The following LTBP1 variants were observed in gnomAD, a reference collection of about 807,000 sequenced individuals.
The protein encoded by LTBP1 is latent-transforming growth factor beta-binding protein 1.
In LTBP1, 129 loss-of-function variants were observed where a neutral mutation model predicts 207.6. The ratio of observed to expected loss-of-function variants is 0.62; its 90% confidence interval spans 0.54 to 0.72. The LOEUF (loss-of-function observed/expected upper bound fraction) is 0.72. Ranked by LOEUF, LTBP1 falls within the 30% of genes least tolerant of loss-of-function variation. LTBP1 has a pLI of 0.00. For synonymous variants in LTBP1, 963 were observed against 833.7 expected (o/e 1.16, Z -2.67); for missense variants, 2,281 against 2,217.2 (o/e 1.03, Z -0.58).
intron 3 of LTBP1, chr2:33,056,192 T>G (rs1300435515): frequency 3.4e-6 from 1 of 294,120 alleles, no homozygotes; most frequent in Admixed American, 5.2e-5. Flanking sequence ...CAGAAAAAAA[T>G]GAGCCGCCTC....
At position 33,290,225 on chromosome 2, in the gene LTBP1, A is replaced by G. The variant is rs375430727; in HGVS notation, c.3113-2935A>G. Among the ~76,000 whole-genome samples, 135 of 152,334 alleles carry G rather than the reference A, an allele frequency of 8.9e-4. 1 individual carries two copies. The Middle Eastern group carries it at 0.024, about 27-fold the overall frequency. On this transcript the variant is annotated intron_variant, in intron 19 of 33. Transcript: ENST00000404816. ...GAAAGACATTCATCTATCTTAATGAACTAATCACCTCTTAAAAGCACGACT... is the reference window on the plus strand; with the variant it reads ...GAAAGACATTCATCTATCTTAATGAGCTAATCACCTCTTAAAAGCACGACT...
At chr2:33,013,390 T>G (rs1306581921) in intron 2 of LTBP1, among the ~76,000 whole-genome samples, 1 of 152,076 alleles carries the variant, frequency 6.6e-6, no homozygotes, top group Non-Finnish European at 1.5e-5. Context: ...TTCTGTTCTT[T>G]TTTTCATTTT....
intron 2 of LTBP1, among the ~76,000 whole-genome samples, chr2:32,967,240 A>G (rs1028268493): frequency 5.3e-5 from 8 of 152,108 alleles, no homozygotes; most frequent in Admixed American, 1.3e-4. Context: ...AGGCTTATCA[A>G]TTATATTGAT....
At chr2:33,216,335 A>G (rs948709489) in intron 7 of LTBP1, among the ~76,000 whole-genome samples, 4 of 152,208 alleles carry the variant, frequency 2.6e-5, no homozygotes, top group African/African-American at 7.2e-5. Flanking sequence ...TATTCTGGGA[A>G]AGAAAAAAGG....
At chr2:33,106,448 T>C (rs1291646055) in intron 3 of LTBP1, among the ~76,000 whole-genome samples, 1 of 152,212 alleles carries the variant, frequency 6.6e-6, no homozygotes, top group Non-Finnish European at 1.5e-5. Flanking sequence ...ATTTCTTAGA[T>C]AGGAAGACTT....
chr2:33,195,982 G>T (rs917230484), intron 7 of LTBP1, among the ~76,000 whole-genome samples: 3 of 152,182 alleles, frequency 2.0e-5, no homozygotes, highest in Admixed American at 6.5e-5. Context: ...ATGATTATTA[G>T]CATTTTTAAA....
At chr2:32,992,340 G>GAGA (rs1352637799) in intron 2 of LTBP1, among the ~76,000 whole-genome samples, 7 of 152,224 alleles carry the variant, frequency 4.6e-5, no homozygotes, top group Non-Finnish European at 8.8e-5. Context: ...GGAGGGAAGG[G>GAGA]AGATAGGCAG....
intron 2 of LTBP1, among the ~76,000 whole-genome samples, chr2:32,954,672 G>C (rs1257138943): frequency 6.6e-6 from 1 of 151,570 alleles, no homozygotes; most frequent in Non-Finnish European, 1.5e-5. Flanking sequence ...TTTTTCTAGG[G>C]GGAGTACAAT....
chr2:33,349,620 C>G (rs2094752611), intron 26 of LTBP1, among the ~76,000 whole-genome samples: 1 of 152,036 alleles, frequency 6.6e-6, no homozygotes, highest in South Asian at 2.1e-4. Context: ...TTTTTCAAAA[C>G]AAATGAATGT....
At chr2:33,347,007 A>G (rs1465156548) in intron 25 of LTBP1, among the ~76,000 whole-genome samples, 2 of 148,354 alleles carry the variant, frequency 1.3e-5, no homozygotes, top group Admixed American at 6.8e-5. Flanking sequence ...GGTCCCAGCT[A>G]TTCAGGAGGC....
At chr2:33,145,827 C>T (rs116086779) in intron 5 of LTBP1, among the ~76,000 whole-genome samples, 296 of 152,164 alleles carry the variant, frequency 1.9e-3, no homozygotes, top group African/African-American at 6.9e-3. Flanking sequence ...TACCATTTTC[C>T]AAAAAGAAGC....
chr2:33,213,318 A>G (rs1285525455), intron 7 of LTBP1, among the ~76,000 whole-genome samples: 1 of 152,226 alleles, frequency 6.6e-6, no homozygotes, highest in African/African-American at 2.4e-5. Context: ...TGAAATGATA[A>G]GGCTTTCCAT....
At chr2:33,063,801 A>G (rs1309510810) in intron 3 of LTBP1, among the ~76,000 whole-genome samples, 5 of 152,050 alleles carry the variant, frequency 3.3e-5, no homozygotes, top group African/African-American at 9.7e-5. Flanking sequence ...AGTTTTCAGT[A>G]TAGAGATTTC....
chr2:33,086,424 T>C (rs920595423), intron 3 of LTBP1, among the ~76,000 whole-genome samples: 1 of 152,160 alleles, frequency 6.6e-6, no homozygotes, highest in Admixed American at 6.5e-5. Context: ...CAGAATCCAT[T>C]TGGTGCCTGC....
intron 5 of LTBP1, among the ~76,000 whole-genome samples, chr2:33,154,023 T>G (rs186742540): frequency 1.6e-4 from 25 of 152,334 alleles, no homozygotes; most frequent in African/African-American, 5.3e-4. Flanking sequence ...GGCACTTCTC[T>G]GTGCCAGTTC....
intron 3 of LTBP1, among the ~76,000 whole-genome samples, chr2:33,066,302 G>A (rs922222489): frequency 5.3e-5 from 8 of 152,088 alleles, no homozygotes; most frequent in African/African-American, 1.7e-4. Context: ...TCCTGTAATG[G>A]CAGAGTTGAG....
In LTBP1 at chr2:33,077,168, C is replaced by G. The variant is rs537575563; in HGVS notation, c.864-33414C>G. On this transcript the variant is annotated intron_variant, in intron 3 of 33. Coordinates refer to ENST00000404816, the MANE Select transcript of LTBP1 (RefSeq NM_206943.4). ...CCATATAAGCTTCACACACTGACAA[C>G]CTGGGCAGTGCTATGCTAATCAATG... is the stretch of plus-strand genomic sequence containing the variant. Among the ~76,000 whole-genome samples, 14 of 152,270 alleles carry G rather than the reference C, an allele frequency of 9.2e-5. No homozygotes were observed. The South Asian group carries it at 2.7e-3, about 29-fold the overall frequency.
chr2:33,343,754 T>TCATCATATG (rs1485741164), intron 25 of LTBP1, among the ~76,000 whole-genome samples: 2 of 152,222 alleles, frequency 1.3e-5, no homozygotes, highest in Admixed American at 1.3e-4. Flanking sequence ...ATCTTGAATA[T>TCATCATATG]CATCATATGT....
intron 3 of LTBP1, among the ~76,000 whole-genome samples, chr2:33,087,013 T>G (rs1407139998): frequency 6.6e-6 from 1 of 151,664 alleles, no homozygotes; most frequent in Non-Finnish European, 1.5e-5. Flanking sequence ...TCTTAGAGTC[T>G]TCTTTGGTGT....
Sources: gnomAD v4.1 joint callset for allele counts (sites outside exome capture counted in the v4.1 genomes callset) on GRCh38, gnomAD v4.1.1 for gene constraint, MANE v1.5 for transcripts, NCBI Gene and HGNC (gene_info 2026-07-23, HGNC 2026-07-21) for gene names.